Variants in CNPY3 observed in about 807,000 individuals in gnomAD.
CNPY3 encodes canopy FGF signaling regulator 3, also known as protein canopy homolog 3.
CNPY3 carries 20 observed loss-of-function variants against 32.0 expected under a neutral mutation model. That is an observed-to-expected ratio of 0.63 (90% CI 0.44 to 0.91). CNPY3 has a LOEUF of 0.91. Ranked by LOEUF, CNPY3 falls within the 40% of genes least tolerant of loss-of-function variation. The pLI, the probability that CNPY3 is intolerant of heterozygous loss-of-function variation, is 0.00. For synonymous variants in CNPY3, 138 were observed against 142.9 expected (o/e 0.97, Z 0.24); for missense variants, 299 against 340.8 (o/e 0.88, Z 0.97).
At chr6:42,937,996 C>A in intron 4 of CNPY3, 94 bp from the exon 5 acceptor site, 1 of 1,453,522 alleles carries the variant, frequency 6.9e-7, no homozygotes, top group Non-Finnish European at 9.6e-7. Flanking sequence ...GCTGCCACTG[C>A]CTACCTTGCA....
rs756251267 is a variant in CNPY3, at chr6:42,938,587, G to T, written c.633G>T (p.Trp211Cys). The part of the protein sequence containing the change: ...GKDTSCLAEQ[W>C]SGKKGDTAAL... ...CCCTAGGTTGCCTGGCAGAGCAGTG[G>T]TCCGGCAAGAAGGGAGACACAGCTG... The change falls in exon 6 of 6, where the codon TGG becomes TGT. Residue 211 changes from tryptophan to cysteine, a missense_variant. Transcript: ENST00000372836. 5.6e-6 allele frequency: 9 copies of T among 1,594,020 alleles called. No individual in the cohort carries two copies. Among genetic ancestry groups the T allele is most frequent in the African/African-American group, 4.0e-5 (3 of 74,746 alleles).
intron 1 of CNPY3, 37 bp downstream of exon 1, chr6:42,929,758 A>AG: frequency 3.3e-6 from 5 of 1,527,864 alleles, no homozygotes; most frequent in Non-Finnish European, 3.5e-6. Context: ...ATCCTGCCGG[A>AG]GGGGCTGGCT....
At chr6:42,935,430 C>A in intron 2 of CNPY3, 144 bp from the exon 3 acceptor site, 3 of 1,343,344 alleles carry the variant, frequency 2.2e-6, no homozygotes, top group Non-Finnish European at 2.9e-6. Flanking sequence ...ATCCCCCAGA[C>A]CAGATGACCT....
chr6:42,933,636 T>C (rs1767994150), intron 1 of CNPY3, among the ~76,000 whole-genome samples: 1 of 152,204 alleles, frequency 6.6e-6, no homozygotes, highest in African/African-American at 2.4e-5. Context: ...TCATAATTGT[T>C]CTATGGTTAT....
intron 3 of CNPY3, among the ~76,000 whole-genome samples, chr6:42,936,325 T>G (rs1768230448): frequency 6.6e-6 from 1 of 152,178 alleles, no homozygotes; most frequent in Non-Finnish European, 1.5e-5. Flanking sequence ...TTTGTATGAA[T>G]TTTGCACTCA....
At chr6:42,935,320 A>G (rs1768140762) in intron 2 of CNPY3, 1 of 631,106 alleles carries the variant, frequency 1.6e-6, no homozygotes, top group Non-Finnish European at 2.0e-6. Context: ...ATTTTGCTTT[A>G]TCAAAAAATC....
intron 1 of CNPY3, among the ~76,000 whole-genome samples, chr6:42,932,585 C>G (rs1175125765): frequency 6.6e-6 from 1 of 152,086 alleles, no homozygotes; most frequent in East Asian, 1.9e-4. Flanking sequence ...TTCCAAACCT[C>G]CCCTTTCCCC....
In CNPY3 at chr6:42,937,790, A is replaced by G. The variant is rs1245811106; in HGVS notation, c.446A>G (p.Tyr149Cys). 32 of 1,613,938 alleles carry G rather than the reference A, an allele frequency of 2.0e-5. No individual in the cohort carries two copies. The highest frequency in any genetic ancestry group is 2.6e-5 in the Non-Finnish European group (31 of 1,179,936). The change falls in exon 4 of 6, where the codon TAT becomes TGT. Residue 149 changes from tyrosine (Y) to cysteine (C), a missense_variant. Coordinates refer to ENST00000372836, the MANE Select transcript of CNPY3 (RefSeq NM_006586.5). Reference protein sequence around the residue: ...KGVKVVMDIPYELWNETSAEV... With the variant: ...KGVKVVMDIPCELWNETSAEV... ...GTCAAGGTGGTGATGGACATCCCCT[A>G]TGAGCTGTGGAACGAGACTTCTGCA... is the stretch of plus-strand genomic sequence containing the variant.
chr6:42,934,957 C>T (rs955878349), intron 2 of CNPY3, among the ~76,000 whole-genome samples: 4 of 152,148 alleles, frequency 2.6e-5, no homozygotes, highest in African/African-American at 4.8e-5. Context: ...CTCTGCCTCC[C>T]GGGTTCAAGA....
rs759547909 is a variant in CNPY3 at position 42,937,828 on chromosome 6, C to A, written c.484C>A (p.Leu162Ile). Residue 162 changes from leucine (L) to isoleucine (I), a missense_variant, in exon 4 of 6, where the codon CTC becomes ATC. This residue lies in a region of CNPY3 where 211 missense variants were observed against 278.3 expected (regional missense o/e 0.76). Transcript: ENST00000372836. ...WNETSAEVAD[L>I]KKQCDVLVEE... is the part of the protein sequence containing the mutation. ...CGAGACTTCTGCAGAGGTGGCTGAC[C>A]TCAAGAAGCAGGTACAGGCCCTTCA... is the stretch of plus-strand genomic sequence containing the variant. 3.1e-6 allele frequency: 5 copies of A among 1,614,158 alleles called. No homozygotes were observed. The highest frequency in any genetic ancestry group is 4.2e-6 in the Non-Finnish European group (5 of 1,180,030).
upstream of CNPY3, among the ~76,000 whole-genome samples, chr6:42,928,346 G>A (rs1322501461): frequency 6.6e-6 from 1 of 151,028 alleles, no homozygotes; most frequent in Non-Finnish European, 1.5e-5. Flanking sequence ...GTCTCGCTAT[G>A]TTGACCAGGC....
chr6:42,939,163 G>GA lies in CNPY3; in HGVS notation c.*372_*373insA. On this transcript the variant is annotated 3_prime_UTR_variant, in exon 6 of 6. Coordinates refer to ENST00000372836, the MANE Select transcript of CNPY3 (RefSeq NM_006586.5). ...TCCTCCCCAACAGGGTACTAGGACTGCAGCCCCCTGTAGCTCCTCTCTGCT... is the reference window on the plus strand; with the variant it reads ...TCCTCCCCAACAGGGTACTAGGACTGACAGCCCCCTGTAGCTCCTCTCTGCT... The GA allele has an allele frequency of 1.9e-6, 2 of 1,040,052 alleles. No individual in the cohort carries two copies. The highest frequency in any genetic ancestry group is 2.3e-6 in the Non-Finnish European group (2 of 865,548). The allele number at this position is 1,040,052 out of a possible 1,614,324, so 64.4% of individuals were successfully genotyped here.
At chr6:42,931,822 C>A (rs1767848200) in intron 1 of CNPY3, among the ~76,000 whole-genome samples, 1 of 152,066 alleles carries the variant, frequency 6.6e-6, no homozygotes, top group Non-Finnish European at 1.5e-5. Context: ...CTCCAGGGTT[C>A]AAGTGATTCT....
intron 5 of CNPY3, 45 bp from the exon 6 acceptor site, chr6:42,938,523 G>C: frequency 2.0e-6 from 3 of 1,532,604 alleles, no homozygotes; most frequent in Non-Finnish European, 2.6e-6. Context: ...CAGCACCCCA[G>C]CCCTGAGGCA....
Position 42,938,998 on chromosome 6 carries a change from T to A in CNPY3, c.*207T>A. ...GCCGTCCTTTCCCCTCCCCAAGTGT[T>A]TCTCTCCTGACCCAGGGTTCAGGCA... On this transcript the variant is annotated 3_prime_UTR_variant, in exon 6 of 6. Coordinates refer to ENST00000372836, the MANE Select transcript of CNPY3 (RefSeq NM_006586.5). 3.0e-6 allele frequency: 4 copies of A among 1,350,558 alleles called. No homozygotes were observed. 83.7% of individuals were successfully genotyped at this position (1,350,558 alleles called of 1,614,324 possible). A position where few individuals can be genotyped will look rare whatever the true frequency, so the allele number is the denominator to read the frequency against.
chr6:42,934,711 C>A, intron 2 of CNPY3, 113 bp downstream of exon 2: 1 of 1,448,552 alleles, frequency 6.9e-7, no homozygotes, highest in Non-Finnish European at 9.4e-7. Context: ...CATTTGTAAC[C>A]AAGACCTGAG....
At position 42,929,561 on chromosome 6, in the gene CNPY3, C is replaced by T. The variant is rs773489793; in HGVS notation, c.-10C>T. The T allele has an allele frequency of 4.8e-5, 75 of 1,568,484 alleles. No individual in the cohort carries two copies. Among genetic ancestry groups the T allele is most frequent in the Non-Finnish European group, 6.2e-5 (72 of 1,157,100 alleles). ...CGCCCGGTCCTTTAGGGTCCGGGCC[C>T]GGCCGGGCCATGGATTCAATGCCTG... On this transcript the variant is annotated 5_prime_UTR_variant, in exon 1 of 6. Coordinates refer to ENST00000372836, the MANE Select transcript of CNPY3 (RefSeq NM_006586.5).
intron 1 of CNPY3, among the ~76,000 whole-genome samples, chr6:42,932,721 C>T (rs1195265016): frequency 2.0e-5 from 3 of 152,184 alleles, no homozygotes; most frequent in Non-Finnish European, 4.4e-5. Flanking sequence ...GGAGGTGAGA[C>T]ATCCCCAGTT....
intron 4 of CNPY3, 73 bp downstream of exon 4, chr6:42,937,912 G>A (rs2114182491): frequency 6.3e-7 from 1 of 1,594,452 alleles, no homozygotes; most frequent in Non-Finnish European, 8.6e-7. Flanking sequence ...TCTGCTCTGA[G>A]GAAGTCCACC....
Sources: allele counts gnomAD v4.1 joint callset (sites outside exome capture counted in the v4.1 genomes callset), GRCh38; gene constraint gnomAD v4.1.1; regional missense constraint gnomAD v4.1.1; transcripts MANE v1.5; gene names NCBI Gene and HGNC (gene_info 2026-07-23, HGNC 2026-07-21).